The following TMEM132D variants were observed in gnomAD, a reference collection of about 807,000 sequenced individuals.
The protein encoded by TMEM132D is mature OL transmembrane protein.
TMEM132D carries 21 observed loss-of-function variants against 62.3 expected under a neutral mutation model. That is an observed-to-expected ratio of 0.34 (90% CI 0.24 to 0.49). The LOEUF is 0.49. Ranked by LOEUF, TMEM132D falls within the 20% of genes least tolerant of loss-of-function variation. The pLI is 0.99. For synonymous variants in TMEM132D, 621 were observed against 575.6 expected (o/e 1.08, Z -1.13); for missense variants, 1,346 against 1,402.8 (o/e 0.96, Z 0.65).
intron 1 of TMEM132D, among the ~76,000 whole-genome samples, chr12:129,889,819 A>G (rs1874863495): frequency 6.6e-6 from 1 of 152,234 alleles, no homozygotes; most frequent in Admixed American, 6.5e-5. Context: ...TCAAAGAAAC[A>G]CAAAGAATAC....
At chr12:129,208,395 T>A (rs1255110312) in intron 5 of TMEM132D, among the ~76,000 whole-genome samples, 1 of 152,172 alleles carries the variant, frequency 6.6e-6, no homozygotes, top group Non-Finnish European at 1.5e-5. Flanking sequence ...CTGTATGATG[T>A]CATGTGTTCC....
intron 5 of TMEM132D, among the ~76,000 whole-genome samples, chr12:129,178,783 A>G (rs1418720956): frequency 6.6e-6 from 1 of 152,218 alleles, no homozygotes; most frequent in African/African-American, 2.4e-5. Context: ...TGCTTTTGCA[A>G]CCAGGAGCTT....
chr12:129,554,402 G>A (rs1256104685), intron 2 of TMEM132D, among the ~76,000 whole-genome samples: 3 of 152,196 alleles, frequency 2.0e-5, no homozygotes, highest in Admixed American at 1.3e-4. Flanking sequence ...CCATCTGCAA[G>A]TGGAAGAGAA....
At chr12:129,229,610 T>C (rs1440746781) in intron 4 of TMEM132D, among the ~76,000 whole-genome samples, 2 of 152,218 alleles carry the variant, frequency 1.3e-5, no homozygotes, top group South Asian at 4.1e-4. Context: ...CTATCAGTTT[T>C]ATGGGACATG....
chr12:129,560,045 T>C (rs576203053), intron 2 of TMEM132D, among the ~76,000 whole-genome samples: 47 of 152,308 alleles, frequency 3.1e-4, no homozygotes, highest in African/African-American at 9.9e-4. Context: ...AAGCATATTT[T>C]AATTCAATGT....
At chr12:129,431,935 C>T (rs1872664169) in intron 3 of TMEM132D, among the ~76,000 whole-genome samples, 1 of 152,294 alleles carries the variant, frequency 6.6e-6, no homozygotes, top group Admixed American at 6.5e-5. Flanking sequence ...CTTTAGTGCT[C>T]CTCTCCCACA....
At chr12:129,753,527 T>C (rs1870067917) in intron 1 of TMEM132D, among the ~76,000 whole-genome samples, 2 of 152,178 alleles carry the variant, frequency 1.3e-5, no homozygotes, top group East Asian at 3.8e-4. Flanking sequence ...CACAAATCAG[T>C]GAGCACACTT....
chr12:129,567,700 A>G (rs1877406793), intron 2 of TMEM132D, among the ~76,000 whole-genome samples: 1 of 152,186 alleles, frequency 6.6e-6, no homozygotes, highest in African/African-American at 2.4e-5. Flanking sequence ...ATAAAATTAC[A>G]TCATTTATGT....
intron 4 of TMEM132D, among the ~76,000 whole-genome samples, chr12:129,261,792 G>C (rs1880555922): frequency 6.6e-6 from 1 of 152,144 alleles, no homozygotes; most frequent in South Asian, 2.1e-4. Context: ...TTGGATTAGG[G>C]CATGCCAGTA....
intron 1 of TMEM132D, among the ~76,000 whole-genome samples, chr12:129,894,138 A>T (rs1875025016): frequency 6.6e-6 from 1 of 152,256 alleles, no homozygotes; most frequent in African/African-American, 2.4e-5. Context: ...ATGGACTGAT[A>T]GTTCCACATG....
rs373673342 is a variant in TMEM132D, at chr12:129,718,380, G to A, written c.80-17682C>T. Among the ~76,000 whole-genome samples the A allele has an allele frequency of 1.5e-3, 228 of 152,332 alleles. 1 individual carries two copies. The highest frequency in any genetic ancestry group is 5.2e-3 in the African/African-American group (217 of 41,580). ...AAGGGGGCTCCCCAGAGGACATGGA[G>A]GAACGAGCTGACGCCTAACAAAACA... is the stretch of plus-strand genomic sequence containing the variant. On this transcript the variant is annotated intron_variant, in intron 1 of 8. Transcript: ENST00000422113.
chr12:129,084,552 C>A lies in TMEM132D; in HGVS notation c.1594G>T (p.Asp532Tyr). 1 of 1,613,398 alleles carries A rather than the reference C, an allele frequency of 6.2e-7. No individual in the cohort carries two copies. The highest frequency in any genetic ancestry group is 8.5e-7 in the Non-Finnish European group (1 of 1,179,632). The change falls in exon 6 of 9, where the codon GAC becomes TAC. Residue 532 changes from aspartate to tyrosine, a missense_variant. Asp to Tyr is a radical substitution (Grantham distance 160). Transcript: ENST00000422113. The stretch of plus-strand genomic sequence containing the variant: ...CCCTTGATCTGATTGAGCTCGGTGT[C>A]GGAGACCTCGATCTGCAGCGGAAGC... ...PRLPLQIEVS[D>Y]TELNQIKGWR... is the part of the protein sequence containing the mutation.
chr12:129,832,540 C>T (rs1161450522), intron 1 of TMEM132D, among the ~76,000 whole-genome samples: 1 of 152,058 alleles, frequency 6.6e-6, no homozygotes, highest in Non-Finnish European at 1.5e-5. Flanking sequence ...GCAGCTTCCC[C>T]CATAGGTCCA....
chr12:129,296,726 G>A lies in TMEM132D; in HGVS notation c.1299+40908C>T, dbSNP rs1190509872. Among the ~76,000 whole-genome samples the A allele has an allele frequency of 2.0e-5, 3 of 152,322 alleles. No individual in the cohort carries two copies. The East Asian group carries it at 5.8e-4, about 29-fold the overall frequency. On this transcript the variant is annotated intron_variant, in intron 4 of 8. Coordinates refer to ENST00000422113, the MANE Select transcript of TMEM132D (RefSeq NM_133448.3). ...CAGTCTGTGTTTCCTGGAAAACAGA[G>A]CCTGAAGCCAGCAAAGGTTATGTGC...
chr12:129,787,839 A>G (rs1871284745), intron 1 of TMEM132D, among the ~76,000 whole-genome samples: 1 of 152,188 alleles, frequency 6.6e-6, no homozygotes, highest in South Asian at 2.1e-4. Flanking sequence ...GGGTTTGCGG[A>G]GCAATACACA....
At chr12:129,552,495 CATCT>C (rs1227211095) in intron 2 of TMEM132D, among the ~76,000 whole-genome samples, 21 of 151,982 alleles carry the variant, frequency 1.4e-4, no homozygotes, top group Non-Finnish European at 5.9e-5. Context: ...TCTACATTAT[CATCT>C]ATTATCTGTC....
In TMEM132D at chr12:129,361,528, C is replaced by CT. The variant is rs552273284; in HGVS notation, c.1116-23712dup. 3.7e-4 allele frequency among the ~76,000 whole-genome samples: 53 copies of CT among 144,616 alleles called. 1 individual carries two copies. In the East Asian group the frequency reaches 9.8e-3, roughly 27 times the overall value. 94.9% of individuals were successfully genotyped at this position (144,616 alleles called of 152,430 possible). A position where few individuals can be genotyped will look rare whatever the true frequency, so the allele number is the denominator to read the frequency against. On this transcript the variant is annotated intron_variant, in intron 3 of 8. Transcript: ENST00000422113. ...GAGTAAATACAGGGTTTTCTTGTAT[C>CT]TTAGTATGAGTTATGGAATGTGCCA...
At chr12:129,423,882 A>G (rs1593374019) in intron 3 of TMEM132D, among the ~76,000 whole-genome samples, 3 of 152,228 alleles carry the variant, frequency 2.0e-5, no homozygotes, top group Non-Finnish European at 4.4e-5. Flanking sequence ...AATTTCATTA[A>G]TGACAAAGAA....
At chr12:129,131,779 C>T (rs1027992087) in intron 5 of TMEM132D, among the ~76,000 whole-genome samples, 1 of 152,146 alleles carries the variant, frequency 6.6e-6, no homozygotes, top group Non-Finnish European at 1.5e-5. Context: ...CTTTTCTGAA[C>T]TTCAGTAAAA....
Sources: gnomAD v4.1 joint callset for allele counts (sites outside exome capture counted in the v4.1 genomes callset) on GRCh38, gnomAD v4.1.1 for gene constraint, MANE v1.5 for transcripts, NCBI Gene and HGNC (gene_info 2026-07-23, HGNC 2026-07-21) for gene names.